The following GMDS variants were observed in gnomAD, a reference collection of about 807,000 sequenced individuals.
GMDS encodes the protein GDP-mannose 4,6 dehydratase.
GMDS carries 20 observed loss-of-function variants against 49.9 expected under a neutral mutation model. The ratio of observed to expected loss-of-function variants is 0.40; its 90% confidence interval spans 0.28 to 0.58. The LOEUF (loss-of-function observed/expected upper bound fraction) is 0.58, where lower values mean the gene tolerates loss of function less well. GMDS is among the 20% of genes least tolerant of loss of function. GMDS has a pLI of 0.42. For synonymous variants in GMDS, 177 were observed against 178.6 expected, an observed-to-expected ratio of 0.99 and a Z score of 0.07; for missense variants, 362 against 481.4, an observed-to-expected ratio of 0.75 and a Z score of 2.32.
At chr6:1,742,402 G>T (rs2113490637) in intron 8 of GMDS, 66 bp downstream of exon 8, 1 of 861,674 alleles carries the variant, frequency 1.2e-6, no homozygotes. Context: ...CAGAACCGAG[G>T]CTTCAGCAAG....
intron 9 of GMDS, among the ~76,000 whole-genome samples, chr6:1,718,224 A>G (rs1304879700): frequency 5.9e-5 from 9 of 152,044 alleles, no homozygotes; most frequent in Non-Finnish European, 1.3e-4. Context: ...TCTAGGCCCT[A>G]GCCCTGACCT....
At chr6:1,823,641 C>T (rs1175673690) in intron 7 of GMDS, among the ~76,000 whole-genome samples, 2 of 152,244 alleles carry the variant, frequency 1.3e-5, no homozygotes, top group South Asian at 2.1e-4. Flanking sequence ...CCTTACCTCC[C>T]CCTTCTTTTC....
chr6:2,195,305 G>A (rs1437714699), intron 1 of GMDS, among the ~76,000 whole-genome samples: 1 of 151,052 alleles, frequency 6.6e-6, no homozygotes, highest in Non-Finnish European at 1.5e-5. Flanking sequence ...CATTTTTGAA[G>A]AAGTGTTTTA....
chr6:1,648,163 C>T (rs1763543980), intron 9 of GMDS, among the ~76,000 whole-genome samples: 3 of 152,198 alleles, frequency 2.0e-5, no homozygotes, highest in Admixed American at 2.0e-4. Flanking sequence ...GCCTGGGGCT[C>T]TGTAATTTGG....
intron 6 of GMDS, chr6:1,952,062 C>T (rs1763366085): frequency 4.3e-6 from 4 of 921,554 alleles, no homozygotes; most frequent in Non-Finnish European, 3.9e-6. Flanking sequence ...TTCTGGTCTC[C>T]GTGTTAGCAT....
Position 2,045,398 on chromosome 6 carries a change from T to C in GMDS, c.345+70373A>G, listed in dbSNP as rs564534272. ...TTCCTTCCTCTATTTTTTCAGGTTC[T>C]TTTTTTTTTCCTGAGAAAGAATTGA... On this transcript the variant is annotated intron_variant, in intron 4 of 10. Transcript: ENST00000380815. 2.0e-5 allele frequency among the ~76,000 whole-genome samples: 3 copies of C among 149,484 alleles called. No homozygotes were observed. The South Asian group carries it at 6.4e-4, about 32-fold the overall frequency.
At chr6:1,823,901 C>G (rs2113709402) in intron 7 of GMDS, among the ~76,000 whole-genome samples, 1 of 152,236 alleles carries the variant, frequency 6.6e-6, no homozygotes, top group African/African-American at 2.4e-5. Context: ...AACCTCACCA[C>G]CACTTGCTAC....
At chr6:2,235,809 TAAAAAAAAA>T (rs1781331102) in intron 1 of GMDS, among the ~76,000 whole-genome samples, 1 of 79,444 alleles carries the variant, frequency 1.3e-5, no homozygotes, top group East Asian at 3.2e-4. Flanking sequence ...TTCTGGAAAA[TAAAAAAAAA>T]TAAAAAAAAT....
chr6:1,783,076 G>A (rs1769176599), intron 7 of GMDS, among the ~76,000 whole-genome samples: 1 of 152,252 alleles, frequency 6.6e-6, no homozygotes, highest in Admixed American at 6.5e-5. Context: ...GATCACTCGA[G>A]CCTGGGAGGT....
At chr6:1,951,480 T>A (rs939132941) in intron 6 of GMDS, among the ~76,000 whole-genome samples, 3 of 152,226 alleles carry the variant, frequency 2.0e-5, no homozygotes, top group Non-Finnish European at 2.9e-5. Context: ...ACACCATCCA[T>A]TTGTGGCAAT....
At chr6:1,919,302 A>C (rs1333648947) in intron 7 of GMDS, among the ~76,000 whole-genome samples, 1 of 152,202 alleles carries the variant, frequency 6.6e-6, no homozygotes, top group African/African-American at 2.4e-5. Flanking sequence ...TCTCTATGAG[A>C]AAAAATGGTA....
At chr6:1,888,527 A>C (rs1759723305) in intron 7 of GMDS, among the ~76,000 whole-genome samples, 2 of 152,058 alleles carry the variant, frequency 1.3e-5, no homozygotes, top group African/African-American at 4.8e-5. Context: ...ACACGAGGGG[A>C]TTATGGGGAT....
intron 7 of GMDS, among the ~76,000 whole-genome samples, chr6:1,830,717 T>C (rs1177050889): frequency 6.6e-6 from 1 of 152,214 alleles, no homozygotes; most frequent in East Asian, 1.9e-4. Flanking sequence ...CAGAAATCTA[T>C]GTGATAGTTA....
chr6:1,646,008 G>C (rs903949730), intron 9 of GMDS, among the ~76,000 whole-genome samples: 3 of 152,190 alleles, frequency 2.0e-5, no homozygotes, highest in Non-Finnish European at 4.4e-5. Context: ...AGAGGCACTC[G>C]ATCGGTATTT....
chr6:2,122,851 G>A (rs753301955), intron 2 of GMDS, among the ~76,000 whole-genome samples: 28 of 152,118 alleles, frequency 1.8e-4, no homozygotes, highest in Admixed American at 3.3e-4. Flanking sequence ...ATCAGTTCAC[G>A]GATCTCTCTC....
At chr6:2,166,503 C>T (rs1777676736) in intron 1 of GMDS, among the ~76,000 whole-genome samples, 2 of 152,180 alleles carry the variant, frequency 1.3e-5, no homozygotes, top group African/African-American at 4.8e-5. Flanking sequence ...AAGTAAATTA[C>T]ACAAGGACAT....
intron 7 of GMDS, among the ~76,000 whole-genome samples, chr6:1,892,632 A>G (rs572395909): frequency 6.6e-6 from 1 of 152,332 alleles, no homozygotes; most frequent in African/African-American, 2.4e-5. Flanking sequence ...TGCTGAGATT[A>G]CAGGCATGAG....
chr6:2,125,378 C>T (rs532325472), intron 1 of GMDS, among the ~76,000 whole-genome samples: 17 of 152,206 alleles, frequency 1.1e-4, no homozygotes, highest in Non-Finnish European at 2.9e-5. Flanking sequence ...ATCTTCCCAC[C>T]GTGGCCTCCC....
At chr6:1,980,748 A>T (rs925262108) in intron 4 of GMDS, among the ~76,000 whole-genome samples, 4 of 152,098 alleles carry the variant, frequency 2.6e-5, no homozygotes, top group Non-Finnish European at 5.9e-5. Flanking sequence ...TTCTTCTCAT[A>T]GCCACGTGAG....
Sources: allele counts gnomAD v4.1 joint callset (sites outside exome capture counted in the v4.1 genomes callset), GRCh38; gene constraint gnomAD v4.1.1; transcripts MANE v1.5; gene names NCBI Gene and HGNC (gene_info 2026-07-23, HGNC 2026-07-21).